TBATA: variants seen among roughly 807,000 people sequenced by gnomAD.
The protein encoded by TBATA is protein TBATA.
In TBATA, 47 loss-of-function variants were observed where a neutral mutation model predicts 38.7. The observed-to-expected ratio is 1.21, with a 90% confidence interval of 0.96 to 1.55. The LOEUF (loss-of-function observed/expected upper bound fraction) is 1.55, where lower values mean the gene tolerates loss of function less well. Among genes scored for constraint, TBATA ranks in the 40% most tolerant of loss-of-function variants. The pLI is 0.00. For synonymous variants in TBATA, 183 were observed against 170.5 expected, an observed-to-expected ratio of 1.07 and a Z score of -0.57; for missense variants, 436 against 435.6, an observed-to-expected ratio of 1.00 and a Z score of -0.01.
rs567805578 is a variant in TBATA, at chr10:70,784,754, G to C, written c.-254C>G. On this transcript the variant is annotated 5_prime_UTR_variant, in exon 2 of 11. Transcript: ENST00000456372. ...TACAATCTTGAGAACAGGATATGTGGAAGCCCCAAATCCTCCTGCCTATGG... is the reference window on the plus strand; with the variant it reads ...TACAATCTTGAGAACAGGATATGTGCAAGCCCCAAATCCTCCTGCCTATGG... The C allele has an allele frequency of 6.6e-6, 1 of 152,132 alleles. No homozygotes were observed. The highest frequency in any genetic ancestry group is 1.5e-5 in the Non-Finnish European group (1 of 68,028). 9.4% of individuals were successfully genotyped at this position (152,132 alleles called of 1,614,324 possible).
In TBATA at chr10:70,771,478, C is replaced by T. The variant is rs1178406829; in HGVS notation, c.974-17G>A. 6.2e-7 allele frequency: 1 copy of T among 1,611,832 alleles called. No homozygotes were observed. The highest frequency in any genetic ancestry group is 2.2e-5 in the East Asian group (1 of 44,832). On this transcript the variant is annotated splice_polypyrimidine_tract_variant and intron_variant, in intron 10 of 10. Coordinates refer to ENST00000456372, the MANE Select transcript of TBATA (RefSeq NM_001318241.2). ...CAATGTACTCTAGTGGGAGGAGAGA[C>T]AGCAGGCAGGAGAGGACCGGGAAGG...
At chr10:70,773,483 C>T (rs559685206) in intron 9 of TBATA, among the ~76,000 whole-genome samples, 228 of 151,968 alleles carry the variant, frequency 1.5e-3, no homozygotes, top group Admixed American at 3.1e-3. Context: ...GGCTTCACCC[C>T]GGCCTGCTAT....
In TBATA at chr10:70,781,907, C is replaced by A; in HGVS notation, c.171G>T (p.Arg57Ser). Residue 57 changes from arginine (R) to serine (S), a missense_variant, in exon 4 of 11, where the codon AGG (arginine) becomes AGT (serine). Transcript: ENST00000456372. ...TGCCAGGGGTTTGGGGCTTTGGGGT[C>A]CTCAATGCCCGGCGGATCCGCTCGA... ...VDFERIRRAL[R>S]TPKPQTPGTY... 1 of 1,614,202 alleles carries A rather than the reference C, an allele frequency of 6.2e-7. No individual in the cohort carries two copies. The highest frequency in any genetic ancestry group is 1.6e-4 in the Middle Eastern group (1 of 6,062).
At chr10:70,780,412 C>T (rs1367768603) in intron 4 of TBATA, among the ~76,000 whole-genome samples, 1 of 152,098 alleles carries the variant, frequency 6.6e-6, no homozygotes, top group Non-Finnish European at 1.5e-5. Flanking sequence ...ACTCCTCACT[C>T]TTGTCCCGGC....
At chr10:70,777,062 C>G in intron 7 of TBATA, 91 bp downstream of exon 7, 1 of 1,378,754 alleles carries the variant, frequency 7.3e-7, no homozygotes, top group South Asian at 1.4e-5. Flanking sequence ...TCCTAGGCAC[C>G]AGTATCCCTG....
At position 70,781,790 on chromosome 10, in the gene TBATA, C is replaced by T. The variant is rs749104599; in HGVS notation, c.277+11G>A. The T allele has an allele frequency of 2.5e-6, 4 of 1,612,348 alleles. No individual in the cohort carries two copies. The highest frequency in any genetic ancestry group is 3.4e-6 in the Non-Finnish European group (4 of 1,178,490). ...CTCCCTCTGCTCCCACCCCAACCAGCCAGGCCCTACCTTGGATGTGGGTCA... is the reference window on the plus strand; with the variant it reads ...CTCCCTCTGCTCCCACCCCAACCAGTCAGGCCCTACCTTGGATGTGGGTCA... On this transcript the variant is annotated intron_variant, in intron 4 of 10. Coordinates refer to ENST00000456372, the MANE Select transcript of TBATA (RefSeq NM_001318241.2).
Position 70,779,681 on chromosome 10 carries a change from A to C in TBATA, c.339T>G (p.Thr113=). Residue 113 remains threonine, a synonymous_variant, in exon 5 of 11, where the codon ACT becomes ACG. Transcript: ENST00000456372. ...RDFPAPLPES[T]VFSGCQMGIP... is the part of the protein sequence containing the mutation. ...TCCCCATTTGACAGCCGGAAAAGAC[A>C]GTTGACTCAGGCAAGGGGGCTGGAA... 6.5e-7 allele frequency: 1 copy of C among 1,536,404 alleles called. No homozygotes were observed. Among genetic ancestry groups the C allele is most frequent in the Non-Finnish European group, 8.7e-7 (1 of 1,151,718 alleles).
chr10:70,779,783 G>T, intron 4 of TBATA, 41 bp from the exon 5 acceptor site: 1 of 1,503,988 alleles, frequency 6.6e-7, no homozygotes, highest in South Asian at 1.4e-5. Flanking sequence ...GGCTTAGGTG[G>T]ACCTTAAGAG....
chr10:70,778,189 A>G (rs1843670706), intron 6 of TBATA, among the ~76,000 whole-genome samples: 1 of 152,074 alleles, frequency 6.6e-6, no homozygotes, highest in African/African-American at 2.4e-5. Flanking sequence ...TCCTCCCCAC[A>G]TGCAAAGTCT....
intron 4 of TBATA, among the ~76,000 whole-genome samples, chr10:70,780,276 G>T (rs111472270): frequency 6.6e-6 from 1 of 151,568 alleles, no homozygotes; most frequent in African/African-American, 2.4e-5. Flanking sequence ...TTGCACTTGA[G>T]GACCCTTCTG....
At chr10:70,784,618 G>T (rs1844654468) in intron 2 of TBATA, 29 bp downstream of exon 2, 1 of 152,146 alleles carries the variant, frequency 6.6e-6, no homozygotes, top group South Asian at 2.1e-4. Context: ...TCACACAGAA[G>T]GAACCAGAGC....
chr10:70,774,508 C>G, intron 8 of TBATA, 151 bp from the exon 9 acceptor site: 1 of 701,544 alleles, frequency 1.4e-6, no homozygotes, highest in Non-Finnish European at 2.3e-6. Flanking sequence ...TCCCCCTTCT[C>G]TCCTGGCCCA....
Position 70,781,865 on chromosome 10 carries a change from G to A in TBATA, c.213C>T (p.Arg71=), listed in dbSNP as rs1018379487. ...GGGAGAAGAAGGAGTGGTGACTGAG[G>A]CGTCCAAAGCAGTAGGTGCCAGGGG... ...PQTPGTYCFG[R]LSHHSFFSRH... is the part of the protein sequence containing the mutation. Residue 71 remains arginine, a synonymous_variant, in exon 4 of 11, where the codon CGC becomes CGT. Coordinates refer to ENST00000456372, the MANE Select transcript of TBATA (RefSeq NM_001318241.2). 1 of 1,614,066 alleles carries A rather than the reference G, an allele frequency of 6.2e-7. No individual in the cohort carries two copies. Among genetic ancestry groups the A allele is most frequent in the African/African-American group, 1.3e-5 (1 of 74,942 alleles).
rs772489814 is a variant in TBATA, at chr10:70,771,323, C to T, written c.*53G>A. On this transcript the variant is annotated 3_prime_UTR_variant, in exon 11 of 11. Transcript: ENST00000456372. ...TGAAGGTGGTGGAGACAGAAACACCCCTGAACCCTTGGGGCTGCTCTTGAG... is the reference window on the plus strand; with the variant it reads ...TGAAGGTGGTGGAGACAGAAACACCTCTGAACCCTTGGGGCTGCTCTTGAG... The T allele has an allele frequency of 4.2e-5, 67 of 1,613,914 alleles. No homozygotes were observed. The highest frequency in any genetic ancestry group is 5.6e-5 in the Non-Finnish European group (66 of 1,179,846).
Position 70,783,473 on chromosome 10 carries a change from G to T in TBATA, c.-94C>A. 6.9e-7 allele frequency: 1 copy of T among 1,449,672 alleles called. No individual in the cohort carries two copies. The highest frequency in any genetic ancestry group is 9.6e-7 in the Non-Finnish European group (1 of 1,037,254). 89.8% of individuals were successfully genotyped at this position (1,449,672 alleles called of 1,614,324 possible). Reference sequence around the variant, plus strand: ...CTCACTTAATACTAGTGTTGAGGATGCAGAACAGGAACTCTCACGAACTGG... The same window carrying T: ...CTCACTTAATACTAGTGTTGAGGATTCAGAACAGGAACTCTCACGAACTGG... On this transcript the variant is annotated 5_prime_UTR_variant, in exon 3 of 11. Transcript: ENST00000456372.
intron 9 of TBATA, among the ~76,000 whole-genome samples, chr10:70,773,465 G>GCCCC (rs397695750): frequency 0.015 from 2,328 of 150,246 alleles, 134 homozygotes; most frequent in Admixed American, 0.11. Flanking sequence ...AAAAATACAG[G>GCCCC]CCCCCCCGGC....
At chr10:70,775,107 A>G in intron 8 of TBATA, 82 bp downstream of exon 8, 1 of 1,378,592 alleles carries the variant, frequency 7.3e-7, no homozygotes, top group South Asian at 1.3e-5. Flanking sequence ...GCTGAGGGAC[A>G]TTTGAGTCCT....
chr10:70,782,610 G>A, intron 3 of TBATA: 6 of 985,454 alleles, frequency 6.1e-6, no homozygotes, highest in Non-Finnish European at 7.2e-6. Flanking sequence ...AGGAAGAGCT[G>A]ACGCAGCAGC....
chr10:70,783,914 G>T (rs1844574233), intron 2 of TBATA, among the ~76,000 whole-genome samples: 1 of 152,158 alleles, frequency 6.6e-6, no homozygotes, highest in Admixed American at 6.5e-5. Flanking sequence ...TATTAAATAG[G>T]CTGCAGTAGA....
Sources: gnomAD v4.1 joint callset for allele counts (sites outside exome capture counted in the v4.1 genomes callset) on GRCh38, gnomAD v4.1.1 for gene constraint, MANE v1.5 for transcripts, NCBI Gene and HGNC (gene_info 2026-07-23, HGNC 2026-07-21) for gene names.